The following CIMIP6 variants were observed in gnomAD, a reference collection of about 807,000 sequenced individuals.
CIMIP6 encodes the protein uncharacterized protein C2orf73.
At chr2:54,358,947 T>TC in the CIMIP6 span, 1 of 1,414,544 alleles carries the variant, frequency 7.1e-7, no homozygotes, top group East Asian at 2.5e-5. Context: ...CTTCACAAAA[T>TC]CTTTTTTTTA....
the CIMIP6 span, among the ~76,000 whole-genome samples, chr2:54,356,303 G>A: frequency 3.3e-5 from 5 of 152,274 alleles, no homozygotes; most frequent in African/African-American, 7.2e-5. Flanking sequence ...GGACTTCTGC[G>A]CGCTTCTGCT....
At chr2:54,363,755 T>C in the CIMIP6 span, among the ~76,000 whole-genome samples, 1 of 152,120 alleles carries the variant, frequency 6.6e-6, no homozygotes, top group East Asian at 1.9e-4. Context: ...CAACAGGGAG[T>C]GGCTGTGTGT....
At chr2:54,337,110 C>T in the CIMIP6 span, among the ~76,000 whole-genome samples, 3 of 152,222 alleles carry the variant, frequency 2.0e-5, no homozygotes, top group Non-Finnish European at 4.4e-5. Flanking sequence ...GGTCTCAGAC[C>T]ACTGTGCCAG....
the CIMIP6 span, among the ~76,000 whole-genome samples, chr2:54,357,925 G>T: frequency 2.0e-5 from 3 of 152,010 alleles, no homozygotes; most frequent in African/African-American, 7.2e-5. Flanking sequence ...GTCCTTGATA[G>T]AATTTTACTT....
the CIMIP6 span, among the ~76,000 whole-genome samples, chr2:54,356,815 T>C: frequency 1.3e-5 from 2 of 152,206 alleles, no homozygotes; most frequent in Non-Finnish European, 2.9e-5. Context: ...TTTGAAAACA[T>C]GTCTATTTTA....
chr2:54,372,682 A>G, the CIMIP6 span, among the ~76,000 whole-genome samples: 3 of 152,136 alleles, frequency 2.0e-5, no homozygotes, highest in African/African-American at 7.2e-5. Context: ...ATGAGTGGAA[A>G]AGTCATCTTG....
At chr2:54,332,472 A>G in the CIMIP6 span, among the ~76,000 whole-genome samples, 1 of 152,176 alleles carries the variant, frequency 6.6e-6, no homozygotes, top group African/African-American at 2.4e-5. Flanking sequence ...ATTCAATGTT[A>G]TTCTCATATC....
At chr2:54,381,783 T>C in the CIMIP6 span, 5 of 1,483,102 alleles carry the variant, frequency 3.4e-6, no homozygotes, top group Non-Finnish European at 4.5e-6. Flanking sequence ...ATTTAACGCT[T>C]GATTGTAAAC....
At chr2:54,333,549 G>C in the CIMIP6 span, among the ~76,000 whole-genome samples, 1 of 152,158 alleles carries the variant, frequency 6.6e-6, no homozygotes, top group Non-Finnish European at 1.5e-5. Context: ...TTAGGAGGCA[G>C]TATTTTATTG....
At chr2:54,370,705 G>T in the CIMIP6 span, among the ~76,000 whole-genome samples, 1 of 152,158 alleles carries the variant, frequency 6.6e-6, no homozygotes, top group Non-Finnish European at 1.5e-5. Context: ...TGCTTCCCTT[G>T]TGACATGCAT....
At chr2:54,364,699 T>C in the CIMIP6 span, among the ~76,000 whole-genome samples, 1 of 152,142 alleles carries the variant, frequency 6.6e-6, no homozygotes, top group East Asian at 1.9e-4. Flanking sequence ...AATAAAGAAG[T>C]ATCAAGACAA....
At chr2:54,368,295 A>G in the CIMIP6 span, among the ~76,000 whole-genome samples, 1 of 151,716 alleles carries the variant, frequency 6.6e-6, no homozygotes, top group Admixed American at 6.6e-5. Flanking sequence ...TTTCTTTGAA[A>G]GCCATTAGAT....
At chr2:54,350,600 T>G in the CIMIP6 span, among the ~76,000 whole-genome samples, 2 of 152,210 alleles carry the variant, frequency 1.3e-5, no homozygotes, top group African/African-American at 4.8e-5. Context: ...CTCTGTCATA[T>G]CCTGTTGGTT....
At chr2:54,345,289 T>G in the CIMIP6 span, among the ~76,000 whole-genome samples, 1 of 151,968 alleles carries the variant, frequency 6.6e-6, no homozygotes, top group Non-Finnish European at 1.5e-5. Context: ...ATTGTAAAAA[T>G]GGGACAAGGC....
the CIMIP6 span, among the ~76,000 whole-genome samples, chr2:54,334,245 T>C: frequency 6.6e-6 from 1 of 152,198 alleles, no homozygotes; most frequent in African/African-American, 2.4e-5. Flanking sequence ...AATTTTCGTA[T>C]TTGTAACAGA....
chr2:54,335,420 T>C, the CIMIP6 span, among the ~76,000 whole-genome samples: 1 of 152,238 alleles, frequency 6.6e-6, no homozygotes, highest in East Asian at 1.9e-4. Flanking sequence ...GCTAAGTGTT[T>C]TATATAAATT....
chr2:54,348,405 T>A, the CIMIP6 span, among the ~76,000 whole-genome samples: 1 of 152,226 alleles, frequency 6.6e-6, no homozygotes, highest in Admixed American at 6.5e-5. Context: ...TCTGTTCTTT[T>A]ATTGGTATTT....
At chr2:54,373,162 T>G in the CIMIP6 span, among the ~76,000 whole-genome samples, 7 of 152,152 alleles carry the variant, frequency 4.6e-5, no homozygotes, top group Non-Finnish European at 7.4e-5. Context: ...CTTAAAATTG[T>G]GTAAGGGCTC....
the CIMIP6 span, among the ~76,000 whole-genome samples, chr2:54,356,996 G>C: frequency 1.3e-5 from 2 of 151,896 alleles, no homozygotes; most frequent in South Asian, 2.1e-4. Context: ...TTTCCCACTT[G>C]GTGGAAAAAA....
Sources: gnomAD v4.1 joint callset for allele counts (sites outside exome capture counted in the v4.1 genomes callset) on GRCh38, gnomAD v4.1.1 for gene constraint, MANE v1.5 for transcripts, NCBI Gene and HGNC (gene_info 2026-07-23, HGNC 2026-07-21) for gene names.